The following KIT variants were observed in gnomAD, a reference collection of about 807,000 sequenced individuals.
The protein encoded by KIT is KIT proto-oncogene, receptor tyrosine kinase, also known as mast/stem cell growth factor receptor Kit.
KIT carries 16 observed loss-of-function variants against 105.7 expected under a neutral mutation model. The ratio of observed to expected loss-of-function variants is 0.15; its 90% confidence interval spans 0.10 to 0.23. The LOEUF is 0.23. KIT is among the 10% of genes least tolerant of loss of function. The pLI, the probability that KIT is intolerant of heterozygous loss-of-function variation, is 1.00. For missense variants in KIT, 858 were observed against 1,213.8 expected, an observed-to-expected ratio of 0.71 and a Z score of 4.36; for synonymous variants, 438 against 441.1, an observed-to-expected ratio of 0.99 and a Z score of 0.09.
intron 4 of KIT, among the ~76,000 whole-genome samples, chr4:54,702,770 C>T (rs1720534052): frequency 6.6e-6 from 1 of 152,110 alleles, no homozygotes; most frequent in Admixed American, 6.5e-5. Flanking sequence ...CTGGTAAGCT[C>T]CTTTCCAGAA....
At chr4:54,733,578 T>A (rs1722735051) in intron 17 of KIT, among the ~76,000 whole-genome samples, 1 of 152,082 alleles carries the variant, frequency 6.6e-6, no homozygotes, top group Non-Finnish European at 1.5e-5. Context: ...AAATCTAAGA[T>A]CATATTCAGA....
chr4:54,710,531 G>A (rs1721080608), intron 7 of KIT, among the ~76,000 whole-genome samples: 2 of 152,010 alleles, frequency 1.3e-5, no homozygotes, highest in South Asian at 2.1e-4. Flanking sequence ...CTTTCTGTAC[G>A]AGGTGTTGTG....
chr4:54,698,500 A>G lies in KIT; in HGVS notation c.554A>G (p.His185Arg), dbSNP rs1720235349. The part of the protein sequence containing the change: ...VKRAYHRLCL[H>R]CSVDQEGKSV... ...CGCGCCTACCATCGGCTCTGTCTGCATTGTTCTGTGGACCAGGAGGGCAAG... is the reference window on the plus strand; with the variant it reads ...CGCGCCTACCATCGGCTCTGTCTGCGTTGTTCTGTGGACCAGGAGGGCAAG... Residue 185 changes from histidine (H) to arginine (R), a missense_variant, in exon 3 of 21, where the codon CAT becomes CGT. By Grantham distance (29) the His-to-Arg change is conservative. Coordinates refer to ENST00000288135, the MANE Select transcript of KIT (RefSeq NM_000222.3). 3.7e-6 allele frequency: 6 copies of G among 1,614,180 alleles called. No homozygotes were observed. In the East Asian group the frequency reaches 1.1e-4, roughly 30 times the overall value.
chr4:54,718,626 C>G (rs1721651645), intron 7 of KIT, among the ~76,000 whole-genome samples: 1 of 152,114 alleles, frequency 6.6e-6, no homozygotes, highest in Non-Finnish European at 1.5e-5. Context: ...AAATATTTAC[C>G]TGAAATATGT....
intron 14 of KIT, among the ~76,000 whole-genome samples, chr4:54,730,475 A>AT (rs199633059): frequency 9.2e-5 from 14 of 151,396 alleles, no homozygotes; most frequent in East Asian, 1.9e-4. Flanking sequence ...GAAACTTTTT[A>AT]TTTTTTTTTA....
chr4:54,699,776 T>C lies in KIT; in HGVS notation c.756+10T>C. The C allele has an allele frequency of 1.9e-6, 3 of 1,613,488 alleles. No homozygotes were observed. The highest frequency in any genetic ancestry group is 2.5e-6 in the Non-Finnish European group (3 of 1,179,578). On this transcript the variant is annotated intron_variant, in intron 4 of 20. Coordinates refer to ENST00000288135, the MANE Select transcript of KIT (RefSeq NM_000222.3). ...AAGAGAAAACAGTCAGGTGAGTGAATCGCTTCATTCTTCTCATGTTCTGTC... is the reference window on the plus strand; with the variant it reads ...AAGAGAAAACAGTCAGGTGAGTGAACCGCTTCATTCTTCTCATGTTCTGTC...
At chr4:54,723,963 G>A (rs1217095782) in intron 8 of KIT, among the ~76,000 whole-genome samples, 1 of 152,108 alleles carries the variant, frequency 6.6e-6, no homozygotes, top group African/African-American at 2.4e-5. Context: ...TAGCCTGCAG[G>A]TAGATAAAGC....
rs900648148 is a variant in KIT, at chr4:54,739,941, A to G, written c.*1384A>G. Reference sequence around the variant, plus strand: ...TGTACCTGTTCCTTAGACCTTCCATAATGCTACTGTCTCACTGAAACATTT... The same window carrying G: ...TGTACCTGTTCCTTAGACCTTCCATGATGCTACTGTCTCACTGAAACATTT... On this transcript the variant is annotated 3_prime_UTR_variant, in exon 21 of 21. Transcript: ENST00000288135. 3.9e-5 allele frequency: 9 copies of G among 233,420 alleles called. No individual in the cohort carries two copies. Among genetic ancestry groups the G allele is most frequent in the African/African-American group, 1.5e-4 (7 of 45,332 alleles). The allele number at this position is 233,420 out of a possible 1,614,324, so 14.5% of individuals were successfully genotyped here.
Position 54,729,151 on chromosome 4 carries a change from T to A in KIT, c.1991-184T>A. On this transcript the variant is annotated intron_variant, in intron 13 of 20. Transcript: ENST00000288135. ...TTAAAAGAGGCTTGCTTGTTTTATGTTACTCCACATAAGGCTGCTTTTTTG... is the reference window on the plus strand; with the variant it reads ...TTAAAAGAGGCTTGCTTGTTTTATGATACTCCACATAAGGCTGCTTTTTTG... The A allele has an allele frequency of 6.5e-6, 4 of 617,936 alleles. No individual in the cohort carries two copies. In the South Asian group the frequency reaches 8.3e-5, roughly 13 times the overall value. 38.3% of individuals were successfully genotyped at this position (617,936 alleles called of 1,614,324 possible). A position where few individuals can be genotyped will look rare whatever the true frequency, so the allele number is the denominator to read the frequency against.
At chr4:54,696,560 C>A (rs1189094264) in intron 2 of KIT, among the ~76,000 whole-genome samples, 6 of 152,170 alleles carry the variant, frequency 3.9e-5, no homozygotes, top group Non-Finnish European at 5.9e-5. Flanking sequence ...GCCTGAGAGG[C>A]CTTATCCATG....
intron 11 of KIT, 96 bp downstream of exon 11, chr4:54,727,638 T>A: frequency 2.6e-6 from 4 of 1,512,846 alleles, no homozygotes; most frequent in Non-Finnish European, 3.7e-6. Context: ...TTGTTCCACC[T>A]GAAACAATGA....
intron 7 of KIT, among the ~76,000 whole-genome samples, chr4:54,714,736 A>C (rs894344761): frequency 6.6e-6 from 1 of 152,176 alleles, no homozygotes. Context: ...ATATGTGGCA[A>C]ACGGTATTTA....
At chr4:54,680,832 A>G (rs2537866) in intron 1 of KIT, among the ~76,000 whole-genome samples, 96,941 of 152,026 alleles carry the variant, frequency 0.64, 32,857 homozygotes, top group African/African-American at 0.88. Context: ...GCCCACACCC[A>G]CACCTGTCCA....
Position 54,739,118 on chromosome 4 carries a change from CTCT to C in KIT, c.*565_*567del. On this transcript the variant is annotated 3_prime_UTR_variant, in exon 21 of 21. Coordinates refer to ENST00000288135, the MANE Select transcript of KIT (RefSeq NM_000222.3). ...GATCCCCAAGTGTGAACAAAAGATG[CTCT>C]TCTGTGGACCACTGCATGAGCTTTT... The C allele has an allele frequency of 2.6e-6, 1 of 380,076 alleles. No individual in the cohort carries two copies. The highest frequency in any genetic ancestry group is 4.7e-6 in the Non-Finnish European group (1 of 213,408). 23.5% of individuals were successfully genotyped at this position (380,076 alleles called of 1,614,324 possible).
chr4:54,731,659 TCTC>T lies in KIT; in HGVS notation c.2234-208_2234-206del, dbSNP rs55665998. 4.5e-4 allele frequency among the ~76,000 whole-genome samples: 69 copies of T among 152,264 alleles called. No individual in the cohort carries two copies. The East Asian group carries it at 0.011, about 25-fold the overall frequency. Reference sequence around the variant, plus strand: ...GATCTTTGCTTTAATTCGCCATCCCTCTCCTCTATGGATTTTGTAACCCAGCCT... The same window carrying T: ...GATCTTTGCTTTAATTCGCCATCCCTCTCTATGGATTTTGTAACCCAGCCT... On this transcript the variant is annotated intron_variant, in intron 15 of 20. Transcript: ENST00000288135.
intron 1 of KIT, among the ~76,000 whole-genome samples, chr4:54,671,030 A>G (rs1021808872): frequency 5.3e-5 from 8 of 152,356 alleles, no homozygotes; most frequent in Non-Finnish European, 1.2e-4. Context: ...TTTAGCCACC[A>G]TCAGCCCTAC....
intron 6 of KIT, among the ~76,000 whole-genome samples, chr4:54,707,671 CTT>C (rs779352860): frequency 2.6e-5 from 4 of 152,212 alleles, no homozygotes; most frequent in Non-Finnish European, 5.9e-5. Context: ...AGCCAAATAA[CTT>C]CGCTTCAGGC....
intron 1 of KIT, among the ~76,000 whole-genome samples, chr4:54,666,953 G>C (rs955182011): frequency 2.0e-5 from 3 of 152,164 alleles, no homozygotes; most frequent in Admixed American, 6.5e-5. Context: ...GGTGTGGCGG[G>C]ATCTAAACAC....
chr4:54,714,284 T>C (rs909758307), intron 7 of KIT, among the ~76,000 whole-genome samples: 9 of 152,170 alleles, frequency 5.9e-5, no homozygotes, highest in African/African-American at 1.9e-4. Flanking sequence ...AAAAATGACA[T>C]TGCCAAGATG....
Sources: gnomAD v4.1 joint callset for allele counts (sites outside exome capture counted in the v4.1 genomes callset) on GRCh38, gnomAD v4.1.1 for gene constraint, MANE v1.5 for transcripts, NCBI Gene and HGNC (gene_info 2026-07-23, HGNC 2026-07-21) for gene names.